EEA1: variants seen among roughly 807,000 people sequenced by gnomAD.
EEA1 encodes the protein early endosome antigen 1, 162kD.
EEA1 carries 111 observed loss-of-function variants against 209.2 expected under a neutral mutation model. The ratio of observed to expected loss-of-function variants is 0.53; its 90% CI spans 0.45 to 0.62. The LOEUF (loss-of-function observed/expected upper bound fraction) is 0.62. Among genes scored for constraint, EEA1 ranks in the 20% least tolerant of loss-of-function variants. EEA1 has a pLI of 0.00. For missense variants in EEA1, 1,343 were observed against 1,530.8 expected, an observed-to-expected ratio of 0.88 and a Z score of 2.05; for synonymous variants, 536 against 540.6, an observed-to-expected ratio of 0.99 and a Z score of 0.12.
chr12:92,781,246 G>C (rs766630804), intron 23 of EEA1, among the ~76,000 whole-genome samples: 3 of 152,060 alleles, frequency 2.0e-5, no homozygotes, highest in Non-Finnish European at 2.9e-5. Context: ...CTCTAAACTT[G>C]AAGCACAAAT....
intron 1 of EEA1, among the ~76,000 whole-genome samples, chr12:92,912,647 T>C (rs1437086461): frequency 2.0e-5 from 3 of 152,198 alleles, no homozygotes; most frequent in Non-Finnish European, 4.4e-5. Context: ...CGGCTTTTAG[T>C]GTACCCACCA....
At chr12:92,778,263 T>C (rs1013276671) in intron 25 of EEA1, 84 bp from the exon 26 acceptor site, 1 of 1,092,368 alleles carries the variant, frequency 9.2e-7, no homozygotes, top group Non-Finnish European at 1.3e-6. Context: ...TTTAAAATAC[T>C]GGCAATTTGC....
intron 11 of EEA1, among the ~76,000 whole-genome samples, chr12:92,829,913 TTATGG>T (rs1242798497): frequency 6.6e-6 from 1 of 151,746 alleles, no homozygotes; most frequent in African/African-American, 2.4e-5. Flanking sequence ...ATAAACTATA[TTATGG>T]TATAAGTAAA....
chr12:92,778,225 G>A, intron 25 of EEA1, 46 bp from the exon 26 acceptor site: 1 of 1,464,680 alleles, frequency 6.8e-7, no homozygotes, highest in Non-Finnish European at 9.4e-7. Flanking sequence ...CAAAAGTAGT[G>A]CAAAATAAAT....
intron 23 of EEA1, 71 bp downstream of exon 23, chr12:92,781,879 G>C: frequency 7.1e-7 from 1 of 1,406,354 alleles, no homozygotes; most frequent in Non-Finnish European, 9.6e-7. Context: ...CTAAATAAGA[G>C]GTTTGACTGG....
intron 10 of EEA1, 60 bp from the exon 11 acceptor site, chr12:92,832,910 TCAAA>T (rs1251898273): frequency 8.0e-6 from 10 of 1,257,056 alleles, no homozygotes; most frequent in East Asian, 2.5e-5. Context: ...CTCCAATTAC[TCAAA>T]CAATCTTTGG....
At chr12:92,867,189 C>T (rs1878438042) in intron 2 of EEA1, among the ~76,000 whole-genome samples, 1 of 152,176 alleles carries the variant, frequency 6.6e-6, no homozygotes, top group African/African-American at 2.4e-5. Context: ...GACACTCCCT[C>T]ACCATACTTC....
intron 10 of EEA1, among the ~76,000 whole-genome samples, chr12:92,840,510 C>G (rs1877121620): frequency 6.6e-6 from 1 of 152,178 alleles, no homozygotes; most frequent in Non-Finnish European, 1.5e-5. Flanking sequence ...TGGGATTTCA[C>G]CATGTTGGCC....
intron 18 of EEA1, among the ~76,000 whole-genome samples, chr12:92,804,176 A>G (rs1875071761): frequency 1.3e-5 from 2 of 152,228 alleles, no homozygotes; most frequent in South Asian, 4.1e-4. Flanking sequence ...ATATGTGCAC[A>G]TGGAAAATTA....
chr12:92,785,375 A>G (rs1016747457), intron 22 of EEA1, among the ~76,000 whole-genome samples: 1 of 152,194 alleles, frequency 6.6e-6, no homozygotes, highest in African/African-American at 2.4e-5. Flanking sequence ...CTGTCAACCC[A>G]TGGTAGATAG....
chr12:92,879,276 A>G, intron 2 of EEA1: 1 of 426,976 alleles, frequency 2.3e-6, no homozygotes, highest in Non-Finnish European at 4.6e-6. Flanking sequence ...AAAAAAATCC[A>G]AAATCTGAAA....
At chr12:92,828,505 G>T (rs906512838) in intron 11 of EEA1, among the ~76,000 whole-genome samples, 4 of 151,626 alleles carry the variant, frequency 2.6e-5, no homozygotes, top group African/African-American at 9.7e-5. Flanking sequence ...TTTTACATTT[G>T]GGTATTGGAT....
At chr12:92,789,305 A>G (rs1279343872) in intron 21 of EEA1, among the ~76,000 whole-genome samples, 5 of 151,104 alleles carry the variant, frequency 3.3e-5, no homozygotes, top group African/African-American at 1.2e-4. Flanking sequence ...AAAAAGAAAG[A>G]AAGAAAAGAA....
intron 3 of EEA1, among the ~76,000 whole-genome samples, chr12:92,863,105 GA>G (rs1260837635): frequency 6.6e-6 from 1 of 152,170 alleles, no homozygotes; most frequent in African/African-American, 2.4e-5. Context: ...AACAGATCAA[GA>G]AAAAATTATC....
rs368982292 is a variant in EEA1 at position 92,801,695 on chromosome 12, T to A, written c.2677A>T (p.Thr893Ser). Residue 893 changes from threonine to serine, a missense_variant, in exon 20 of 29, where the codon ACT (threonine) becomes TCT (serine). This residue lies in a region of EEA1 where 1,307 missense variants were observed against 1,465.5 expected (regional missense o/e 0.89). Coordinates refer to ENST00000322349, the MANE Select transcript of EEA1 (RefSeq NM_003566.4). Reference sequence around the variant, plus strand: ...AGTTGATGCTTTAATTCTTTGCAAGTTTTTTCCTTAAAAAAAATGAAAACT... The same window carrying A: ...AGTTGATGCTTTAATTCTTTGCAAGATTTTTCCTTAAAAAAAATGAAAACT... ...GKAAILDLEK[T>S]CKELKHQLQV... is the part of the protein sequence containing the mutation. 81 of 1,577,508 alleles carry A rather than the reference T, an allele frequency of 5.1e-5. No homozygotes were observed. The highest frequency in any genetic ancestry group is 6.4e-5 in the Non-Finnish European group (75 of 1,166,658).
intron 1 of EEA1, among the ~76,000 whole-genome samples, chr12:92,923,483 T>A (rs1220523580): frequency 1.3e-5 from 2 of 152,178 alleles, no homozygotes; most frequent in Non-Finnish European, 2.9e-5. Flanking sequence ...CTAAACTATA[T>A]CATGCTCTTG....
At chr12:92,848,140 T>C (rs1877457592) in intron 9 of EEA1, among the ~76,000 whole-genome samples, 1 of 151,622 alleles carries the variant, frequency 6.6e-6, no homozygotes, top group Non-Finnish European at 1.5e-5. Flanking sequence ...TCCAAATACT[T>C]GAAAAGATAA....
chr12:92,883,046 C>A (rs992497090), intron 2 of EEA1, among the ~76,000 whole-genome samples: 3 of 152,208 alleles, frequency 2.0e-5, no homozygotes, highest in African/African-American at 7.2e-5. Context: ...AATGTATAAG[C>A]ATTCTCTTTT....
chr12:92,803,286 A>C (rs1385353883), intron 18 of EEA1, among the ~76,000 whole-genome samples: 1 of 152,066 alleles, frequency 6.6e-6, no homozygotes, highest in African/African-American at 2.4e-5. Context: ...TTAACCCTAG[A>C]AGCTAGCAGA....
Sources: allele counts gnomAD v4.1 joint callset (sites outside exome capture counted in the v4.1 genomes callset), GRCh38; gene constraint gnomAD v4.1.1; regional missense constraint gnomAD v4.1.1; transcripts MANE v1.5; gene names NCBI Gene and HGNC (gene_info 2026-07-23, HGNC 2026-07-21).